The following RORA variants were observed in gnomAD, a reference collection of about 807,000 sequenced individuals.
RORA encodes nuclear receptor ROR-alpha.
Under a neutral mutation model 69.5 loss-of-function variants are expected in RORA, and 7 were observed. That is an observed-to-expected ratio of 0.10 (90% CI 0.06 to 0.19). The LOEUF (loss-of-function observed/expected upper bound fraction) is 0.19. RORA is among the 10% of genes least tolerant of loss of function. RORA has a pLI of 1.00. For missense variants in RORA, 457 were observed against 663.0 expected (o/e 0.69, Z 3.41); for synonymous variants, 261 against 240.8 (o/e 1.08, Z -0.78).
intron 1 of RORA, among the ~76,000 whole-genome samples, chr15:61,004,278 GAGAA>G (rs1894840623): frequency 6.6e-6 from 1 of 151,696 alleles, no homozygotes; most frequent in African/African-American, 2.4e-5. Context: ...GAGAGGGAGA[GAGAA>G]AGAGAGAGAG....
At position 61,155,849 on chromosome 15, in the gene RORA, T is replaced by G. The variant is rs144540151; in HGVS notation, c.166+73204A>C. On this transcript the variant is annotated intron_variant, in intron 1 of 10. Transcript: ENST00000335670. The stretch of plus-strand genomic sequence containing the variant: ...ATTCAGATACCTCAGAACCACAGCT[T>G]TCTCCTTGCCACACTCCAGGTGGAA... Among the ~76,000 whole-genome samples, 13 of 152,294 alleles carry G rather than the reference T, an allele frequency of 8.5e-5. No homozygotes were observed. In the East Asian group the frequency reaches 2.3e-3, roughly 27 times the overall value.
intron 1 of RORA, among the ~76,000 whole-genome samples, chr15:61,118,837 G>A (rs2140807832): frequency 6.6e-6 from 1 of 152,192 alleles, no homozygotes; most frequent in Non-Finnish European, 1.5e-5. Context: ...TTTGAAACGA[G>A]TATTTTCTTC....
At chr15:60,831,405 T>C (rs2073040128) in intron 1 of RORA, among the ~76,000 whole-genome samples, 1 of 152,096 alleles carries the variant, frequency 6.6e-6, no homozygotes. Context: ...TGAGAGTGGA[T>C]ACTACCTCCT....
intron 1 of RORA, among the ~76,000 whole-genome samples, chr15:60,819,765 A>ACACACACACACACACACACACGCG (rs2072866888): frequency 8.8e-5 from 11 of 124,340 alleles, no homozygotes; most frequent in Admixed American, 8.0e-4. Flanking sequence ...ACACACACAC[A>ACACACACACACACACACACACGCG]CACACACACA....
intron 1 of RORA, among the ~76,000 whole-genome samples, chr15:61,072,756 A>G (rs973303884): frequency 1.3e-5 from 2 of 152,222 alleles, no homozygotes; most frequent in Non-Finnish European, 2.9e-5. Flanking sequence ...GTCAAGACAT[A>G]TATCTGAGGC....
At chr15:60,914,256 G>A (rs1448773793) in intron 1 of RORA, among the ~76,000 whole-genome samples, 1 of 152,328 alleles carries the variant, frequency 6.6e-6, no homozygotes, top group East Asian at 1.9e-4. Flanking sequence ...ATGTCAGACT[G>A]CGAGAGAAAG....
chr15:60,497,182 C>G lies in RORA; in HGVS notation c.*273G>C. On this transcript the variant is annotated 3_prime_UTR_variant, in exon 11 of 11. Transcript: ENST00000335670. ...ATCCTCCGACTTTAGTACCCTCCTC[C>G]TGTTGTAAACAGAGGTCAATGATCA... is the stretch of plus-strand genomic sequence containing the variant. The G allele has an allele frequency of 3.3e-6, 1 of 305,372 alleles. No individual in the cohort carries two copies. Among genetic ancestry groups the G allele is most frequent in the Non-Finnish European group, 6.1e-6 (1 of 164,480 alleles). 18.9% of individuals were successfully genotyped at this position (305,372 alleles called of 1,614,324 possible). A position where few individuals can be genotyped will look rare whatever the true frequency, so the allele number is the denominator to read the frequency against.
chr15:60,612,345 C>G (rs1189313752), intron 2 of RORA, among the ~76,000 whole-genome samples: 1 of 152,166 alleles, frequency 6.6e-6, no homozygotes, highest in Non-Finnish European at 1.5e-5. Flanking sequence ...CAAGACAAGA[C>G]CTGCCAACTT....
At chr15:61,227,432 C>G (rs528939407) in intron 1 of RORA, among the ~76,000 whole-genome samples, 7 of 152,286 alleles carry the variant, frequency 4.6e-5, no homozygotes, top group East Asian at 3.9e-4. Context: ...TCGCCGCCCC[C>G]CTCCCGCTGA....
intron 1 of RORA, among the ~76,000 whole-genome samples, chr15:60,789,611 G>C (rs1324266085): frequency 6.6e-6 from 1 of 152,222 alleles, no homozygotes. Context: ...ATCTAGGTTT[G>C]GGGCAGCTGA....
chr15:60,548,869 C>T (rs551994364), intron 2 of RORA, among the ~76,000 whole-genome samples: 1 of 152,334 alleles, frequency 6.6e-6, no homozygotes, highest in South Asian at 2.1e-4. Flanking sequence ...TCATGATCCG[C>T]CCGCCTTGGC....
At chr15:60,865,251 A>C (rs1220756026) in intron 1 of RORA, among the ~76,000 whole-genome samples, 2 of 152,178 alleles carry the variant, frequency 1.3e-5, no homozygotes, top group Non-Finnish European at 2.9e-5. Context: ...CTGGCTCTTT[A>C]CTTCCTCACA....
At chr15:60,814,504 AAG>A (rs1331064337) in intron 1 of RORA, among the ~76,000 whole-genome samples, 1 of 152,164 alleles carries the variant, frequency 6.6e-6, no homozygotes, top group Non-Finnish European at 1.5e-5. Flanking sequence ...ATAATAAATG[AAG>A]AGAGAGCACA....
intron 1 of RORA, chr15:60,848,807 G>A (rs1458873466): frequency 1.3e-5 from 2 of 152,206 alleles, no homozygotes; most frequent in African/African-American, 2.4e-5. Context: ...TCACTATCGT[G>A]AGAATAGCAA....
intron 1 of RORA, among the ~76,000 whole-genome samples, chr15:61,106,393 C>T (rs570577296): frequency 6.6e-6 from 1 of 152,316 alleles, no homozygotes; most frequent in African/African-American, 2.4e-5. Context: ...AAAATAATTA[C>T]TCATTCATTT....
intron 1 of RORA, among the ~76,000 whole-genome samples, chr15:60,836,751 G>A (rs2073121391): frequency 6.6e-6 from 1 of 152,084 alleles, no homozygotes. Flanking sequence ...TCTACCATCA[G>A]CCCTCTTCAT....
intron 1 of RORA, among the ~76,000 whole-genome samples, chr15:61,014,084 G>C (rs764194608): frequency 6.6e-6 from 1 of 152,078 alleles, no homozygotes; most frequent in Non-Finnish European, 1.5e-5. Flanking sequence ...CACCCGGCCG[G>C]GTTGGCTTTT....
At chr15:61,119,387 A>ATG (rs1195397267) in intron 1 of RORA, among the ~76,000 whole-genome samples, 2 of 31,638 alleles carry the variant, frequency 6.3e-5, no homozygotes, top group Non-Finnish European at 1.1e-4. Flanking sequence ...TTTTTTGTAT[A>ATG]TGTATATATA....
chr15:61,202,831 C>A (rs572451399), intron 1 of RORA, among the ~76,000 whole-genome samples: 1 of 152,194 alleles, frequency 6.6e-6, no homozygotes, highest in South Asian at 2.1e-4. Flanking sequence ...AATCCTAAAC[C>A]TATGGAATAT....
Sources: gnomAD v4.1 joint callset for allele counts (sites outside exome capture counted in the v4.1 genomes callset) on GRCh38, gnomAD v4.1.1 for gene constraint, MANE v1.5 for transcripts, NCBI Gene and HGNC (gene_info 2026-07-23, HGNC 2026-07-21) for gene names.